The following LLGL1 variants were observed in gnomAD, a reference collection of about 807,000 sequenced individuals.
LLGL1 encodes the protein lethal(2) giant larvae protein homolog 1.
A neutral mutation model predicts 110.6 loss-of-function variants in LLGL1; 58 were observed. That is an observed-to-expected ratio of 0.52 (90% CI 0.42 to 0.65). LLGL1 has a LOEUF of 0.65. Among genes scored for constraint, LLGL1 ranks in the 30% least tolerant of loss-of-function variants. The pLI is 0.00. For synonymous variants in LLGL1, 674 were observed against 607.2 expected, an observed-to-expected ratio of 1.11 and a Z score of -1.62; for missense variants, 1,229 against 1,462.1, an observed-to-expected ratio of 0.84 and a Z score of 2.60.
Position 18,235,500 on chromosome 17 carries a change from G to T in LLGL1, c.1315G>T (p.Ala439Ser), listed in dbSNP as rs186995213. 2.5e-6 allele frequency: 4 copies of T among 1,613,986 alleles called. No homozygotes were observed. In the African/African-American group the frequency reaches 4.0e-5, roughly 16 times the overall value. The change falls in exon 11 of 23, where the codon GCC becomes TCC. Residue 439 changes from alanine (A) to serine (S), a missense_variant. Transcript: ENST00000316843. Reference protein sequence around the residue: ...SWPITGGRNLAQEPSQRGLLL... With the variant: ...SWPITGGRNLSQEPSQRGLLL... Reference sequence around the variant, plus strand: ...GCCCATCACTGGGGGCCGAAACCTGGCCCAGGAGCCGTCACAGCGAGGGCT... The same window carrying T: ...GCCCATCACTGGGGGCCGAAACCTGTCCCAGGAGCCGTCACAGCGAGGGCT...
chr17:18,230,587 G>T (rs1450442887), intron 2 of LLGL1, among the ~76,000 whole-genome samples: 1 of 152,070 alleles, frequency 6.6e-6, no homozygotes, highest in Non-Finnish European at 1.5e-5. Context: ...GGCCTGGGGT[G>T]GGGGTGGGGG....
In LLGL1 at chr17:18,232,489, C is replaced by T; in HGVS notation, c.180-6C>T. On this transcript the variant is annotated splice_polypyrimidine_tract_variant and splice_region_variant and intron_variant, in intron 2 of 22. Coordinates refer to ENST00000316843, the MANE Select transcript of LLGL1 (RefSeq NM_004140.4). Reference sequence around the variant, plus strand: ...GCCTATTTCCACCTTGACCTGCCACCCTCAGCTATGGTGCACCTGGCGTGG... The same window carrying T: ...GCCTATTTCCACCTTGACCTGCCACTCTCAGCTATGGTGCACCTGGCGTGG... 1 of 1,612,836 alleles carries T rather than the reference C, an allele frequency of 6.2e-7. No individual in the cohort carries two copies. The highest frequency in any genetic ancestry group is 8.5e-7 in the Non-Finnish European group (1 of 1,179,164).
Position 18,230,148 on chromosome 17 carries a change from G to A in LLGL1, c.179+110G>A, listed in dbSNP as rs1488021953. ...GTGTCCAGCTCGAGAGGAGGACAGA[G>A]GTGCTCTGATGGGCAGTAGTGGGGG... On this transcript the variant is annotated intron_variant, in intron 2 of 22. Coordinates refer to ENST00000316843, the MANE Select transcript of LLGL1 (RefSeq NM_004140.4). The A allele has an allele frequency of 8.6e-6, 7 of 809,364 alleles. No individual in the cohort carries two copies. The African/African-American group carries it at 1.0e-4, about 12-fold the overall frequency. The allele number at this position is 809,364 out of a possible 1,614,324, so 50.1% of individuals were successfully genotyped here.
intron 2 of LLGL1, 98 bp from the exon 3 acceptor site, chr17:18,232,397 C>A: frequency 9.2e-7 from 1 of 1,082,608 alleles, no homozygotes; most frequent in Non-Finnish European, 1.3e-6. Context: ...CATGCCGGGG[C>A]CCACTGGAAT....
At chr17:18,226,273 G>A (rs1039713547) in intron 1 of LLGL1, among the ~76,000 whole-genome samples, 3 of 152,138 alleles carry the variant, frequency 2.0e-5, no homozygotes, top group African/African-American at 7.2e-5. Flanking sequence ...CTCTGTCTCT[G>A]TGGAGTCTCT....
intron 1 of LLGL1, among the ~76,000 whole-genome samples, chr17:18,227,836 G>A (rs894342175): frequency 1.3e-5 from 2 of 152,324 alleles, no homozygotes; most frequent in Middle Eastern, 3.4e-3. Flanking sequence ...CAGCAGTGGT[G>A]GAAAGTGGGG....
In LLGL1 at chr17:18,244,735, C is replaced by CGG. The variant is rs1567700274; in HGVS notation, c.*829_*830insGG. The CGG allele has an allele frequency of 0.35, 1,338 of 3,778 alleles. 149 individuals carry two copies. Among genetic ancestry groups the CGG allele is most frequent in the Middle Eastern group, 0.4 (4 of 10 alleles). The allele number at this position is 3,778 out of a possible 1,614,324, so 0.2% of individuals were successfully genotyped here. A position where few individuals can be genotyped will look rare whatever the true frequency, so the allele number is the denominator to read the frequency against. On this transcript the variant is annotated 3_prime_UTR_variant, in exon 23 of 23. Transcript: ENST00000316843. ...GTGTGTGTCCGGCGGGGGGGGGGGG[C>CGG]AGGGGGGGGGGTCAAGATGAGTTTC...
At position 18,235,282 on chromosome 17, in the gene LLGL1, G is replaced by C. The variant is rs151016611; in HGVS notation, c.1254G>C (p.Gln418His). 232 of 1,610,322 alleles carry C rather than the reference G, an allele frequency of 1.4e-4. No individual in the cohort carries two copies. The highest frequency in any genetic ancestry group is 1.8e-4 in the Non-Finnish European group (217 of 1,179,974). Residue 418 changes from glutamine to histidine, a missense_variant, in exon 10 of 23, where the codon CAG (glutamine) becomes CAC (histidine). Transcript: ENST00000316843. ...LWARIVSAGEQQSPQPVSSAL... is the reference protein window; with the variant it reads ...LWARIVSAGEHQSPQPVSSAL... The stretch of plus-strand genomic sequence containing the variant: ...CCCGCATTGTGAGCGCTGGCGAGCA[G>C]CAGAGCCCCCAGCCTGTCTCCAGTG...
rs111418025 is a variant in LLGL1 at position 18,233,653 on chromosome 17, T to TA, written c.393-123dup. On this transcript the variant is annotated intron_variant, in intron 4 of 22. Coordinates refer to ENST00000316843, the MANE Select transcript of LLGL1 (RefSeq NM_004140.4). ...TGCATGTCTTCCTGGGGTGGCTCTGTAAGTAGGCCCTGGTGAGTGCTGTGG... is the reference window on the plus strand; with the variant it reads ...TGCATGTCTTCCTGGGGTGGCTCTGTAAAGTAGGCCCTGGTGAGTGCTGTGG... 0.012 allele frequency: 11,925 copies of TA among 1,004,606 alleles called. 657 individuals are homozygous for TA. In the African/African-American group the frequency reaches 0.14, roughly 12 times the overall value. 62.2% of individuals were successfully genotyped at this position (1,004,606 alleles called of 1,614,324 possible). A position where few individuals can be genotyped will look rare whatever the true frequency, so the allele number is the denominator to read the frequency against.
At chr17:18,237,224 G>A in intron 13 of LLGL1, 2 of 596,260 alleles carry the variant, frequency 3.4e-6, no homozygotes, top group Non-Finnish European at 6.0e-6. Context: ...GGAGATAGAG[G>A]CTCAGGGTAA....
intron 2 of LLGL1, among the ~76,000 whole-genome samples, chr17:18,231,618 A>C (rs1445513484): frequency 6.6e-6 from 1 of 152,086 alleles, no homozygotes; most frequent in African/African-American, 2.4e-5. Flanking sequence ...TCATGATGGC[A>C]GTTGTTGGCT....
intron 1 of LLGL1, among the ~76,000 whole-genome samples, chr17:18,228,076 C>T (rs114694145): frequency 0.019 from 2,919 of 152,280 alleles, 93 homozygotes; most frequent in African/African-American, 0.066. Context: ...GTGCTGGGGA[C>T]AACAGTAGTT....
Position 18,234,969 on chromosome 17 carries a change from G to A in LLGL1, c.1036G>A (p.Val346Met). 1.9e-6 allele frequency: 3 copies of A among 1,614,006 alleles called. No homozygotes were observed. The highest frequency in any genetic ancestry group is 1.7e-6 in the Non-Finnish European group (2 of 1,180,006). Residue 346 changes from valine (V) to methionine (M), a missense_variant, in exon 9 of 23, where the codon GTG becomes ATG. Val to Met is a conservative substitution (Grantham distance 21). Coordinates refer to ENST00000316843, the MANE Select transcript of LLGL1 (RefSeq NM_004140.4). ...FTSRIIDFFT[V>M]HSTRPEDEFD... Reference sequence around the variant, plus strand: ...TTCCCGCATCATCGACTTCTTCACAGTGCACAGCACACGGCCCGAGGATGG... The same window carrying A: ...TTCCCGCATCATCGACTTCTTCACAATGCACAGCACACGGCCCGAGGATGG...
In LLGL1 at chr17:18,233,663, C is replaced by G; in HGVS notation, c.393-115C>G. 2.6e-6 allele frequency: 3 copies of G among 1,148,176 alleles called. No homozygotes were observed. The South Asian group carries it at 4.5e-5, about 17-fold the overall frequency. 71.1% of individuals were successfully genotyped at this position (1,148,176 alleles called of 1,614,324 possible). On this transcript the variant is annotated intron_variant, in intron 4 of 22. Coordinates refer to ENST00000316843, the MANE Select transcript of LLGL1 (RefSeq NM_004140.4). ...CCTGGGGTGGCTCTGTAAGTAGGCCCTGGTGAGTGCTGTGGGGCCAGTGAT... is the reference window on the plus strand; with the variant it reads ...CCTGGGGTGGCTCTGTAAGTAGGCCGTGGTGAGTGCTGTGGGGCCAGTGAT...
rs1326392642 is a variant in LLGL1 at position 18,242,533 on chromosome 17, A to G, written c.3021A>G (p.Ala1007=). Reference sequence around the variant, plus strand: ...ACACCCCGGAGCCACCCGAGGCTGCACTCTCACCCATGTCCATCGACTCAG... The same window carrying G: ...ACACCCCGGAGCCACCCGAGGCTGCGCTCTCACCCATGTCCATCGACTCAG... ...GPDTPEPPEA[A]LSPMSIDSAT... The change falls in exon 21 of 23, where the codon GCA becomes GCG. Residue 1007 remains alanine (A), a synonymous_variant. Transcript: ENST00000316843. 2 of 1,613,750 alleles carry G rather than the reference A, an allele frequency of 1.2e-6. No individual in the cohort carries two copies. The highest frequency in any genetic ancestry group is 1.7e-6 in the Non-Finnish European group (2 of 1,179,896).
chr17:18,237,604 G>A lies in LLGL1; in HGVS notation c.1735G>A (p.Gly579Arg), dbSNP rs1279174501. ...CCACGAGCGGCTGAGCCCACGCACG[G>A]GGCCGCTGCCCTGGCCTGCTGGCTT... is the stretch of plus-strand genomic sequence containing the variant. Reference protein sequence around the residue: ...KGHERLSPRTGPLPWPAGFQP... With the variant: ...KGHERLSPRTRPLPWPAGFQP... Residue 579 changes from glycine to arginine, a missense_variant, in exon 14 of 23, where the codon GGG becomes AGG. Physicochemically the swap from Gly to Arg is moderately radical, Grantham distance 125. Transcript: ENST00000316843. 6.2e-7 allele frequency: 1 copy of A among 1,611,066 alleles called. No homozygotes were observed. The highest frequency in any genetic ancestry group is 1.1e-5 in the South Asian group (1 of 90,972).
chr17:18,226,551 G>A (rs775673545), intron 1 of LLGL1, among the ~76,000 whole-genome samples: 7 of 152,250 alleles, frequency 4.6e-5, no homozygotes, highest in Admixed American at 6.5e-5. Context: ...GGACATGCCT[G>A]GCTGTGTACT....
intron 16 of LLGL1, among the ~76,000 whole-genome samples, chr17:18,239,517 T>G (rs1452927035): frequency 6.6e-6 from 1 of 152,194 alleles, no homozygotes; most frequent in African/African-American, 2.4e-5. Flanking sequence ...CTGTTTTTTT[T>G]GCCGGGGTAT....
chr17:18,242,652 A>G (rs772321233), intron 21 of LLGL1, 24 bp downstream of exon 21: 18 of 1,590,344 alleles, frequency 1.1e-5, no homozygotes, highest in Admixed American at 7.2e-5. Flanking sequence ...GCAGGTCCAC[A>G]GGGGGGGCTG....
Sources: allele counts gnomAD v4.1 joint callset (sites outside exome capture counted in the v4.1 genomes callset), GRCh38; gene constraint gnomAD v4.1.1; transcripts MANE v1.5; gene names NCBI Gene and HGNC (gene_info 2026-07-23, HGNC 2026-07-21).